The following PLAGL1 variants were observed in gnomAD, a reference collection of about 807,000 sequenced individuals.
PLAGL1 encodes the protein zinc finger protein PLAGL1.
PLAGL1 carries 1 observed loss-of-function variant against 4.6 expected under a neutral mutation model. That is an observed-to-expected ratio of 0.22 (90% CI 0.08 to 1.03). The LOEUF (loss-of-function observed/expected upper bound fraction) is 1.03. Among genes scored for constraint, PLAGL1 ranks in the 50% least tolerant of loss-of-function variants. The probability of loss-of-function intolerance (pLI) is 0.58; values close to 1 mark genes in which losing one functional copy is unlikely to be tolerated. For synonymous variants in PLAGL1, 240 were observed against 237.8 expected (o/e 1.01, Z -0.08); for missense variants, 464 against 570.4 (o/e 0.81, Z 1.90).
In PLAGL1 at chr6:144,005,637, TAAGAC is replaced by T. The variant is rs1794014529; in HGVS notation, c.-584+2448_-584+2452del. 6.6e-6 allele frequency: 1 copy of T among 152,122 alleles called. No individual in the cohort carries two copies. The highest frequency in any genetic ancestry group is 1.5e-5 in the Non-Finnish European group (1 of 68,014). 9.4% of individuals were successfully genotyped at this position (152,122 alleles called of 1,614,324 possible). On this transcript the variant is annotated intron_variant, in intron 1 of 7. Coordinates refer to ENST00000674357, the MANE Select transcript of PLAGL1 (RefSeq NM_001317162.2). The surrounding 1 kb of genome is among the most constrained non-coding windows in gnomAD (Gnocchi z 4.6). Reference sequence around the variant, plus strand: ...ACATTTCATTAATAGTAGAGTATCTTAAGACAAAAAGCATAAGGATTAATGTCTAC... The same window carrying T: ...ACATTTCATTAATAGTAGAGTATCTTAAAAAGCATAAGGATTAATGTCTAC...
chr6:143,951,337 T>C (rs7770529), intron 6 of PLAGL1, among the ~76,000 whole-genome samples: 109,661 of 152,196 alleles, frequency 0.72, 40,823 homozygotes, highest in African/African-American at 0.92. Context: ...ATGGATGTAA[T>C]GGGAAAGAGA....
rs1177235850 is a variant in PLAGL1, at chr6:144,055,201, A to G, written c.-151+9267T>C. 6.6e-6 allele frequency among the ~76,000 whole-genome samples: 1 copy of G among 150,684 alleles called. No homozygotes were observed. The highest frequency in any genetic ancestry group is 1.5e-5 in the Non-Finnish European group (1 of 67,424). ...CAGATATTCATATCCACAGATATTCATGAAAACACACTTACCCAGAAACAC... is the reference window on the plus strand; with the variant it reads ...CAGATATTCATATCCACAGATATTCGTGAAAACACACTTACCCAGAAACAC... On this transcript the variant is annotated intron_variant, in intron 1 of 3. Coordinates refer to the PLAGL1 transcript ENST00000437412. The surrounding 1 kb of genome is among the most constrained non-coding windows in gnomAD (Gnocchi z 5.0).
chr6:144,031,333 TG>T (rs1796813502), intron 1 of PLAGL1, among the ~76,000 whole-genome samples: 1 of 152,254 alleles, frequency 6.6e-6, no homozygotes, highest in African/African-American at 2.4e-5. Flanking sequence ...TCTTTTGCTA[TG>T]TGGAAGCTTT....
rs754880138 is a variant in PLAGL1, at chr6:143,941,674, G to T, written c.1142C>A (p.Ser381Tyr). Reference sequence around the variant, plus strand: ...CAGCTGCCAGAAGCCCAACAGGGGGGACAGGTCCAGAGAGGCAGGTATTGT... The same window carrying T: ...CAGCTGCCAGAAGCCCAACAGGGGGTACAGGTCCAGAGAGGCAGGTATTGT... The part of the protein sequence containing the change: ...NLTIPASLDL[S>Y]PLLGFWQLPP... The change falls in exon 8 of 8, where the codon TCC (serine) becomes TAC (tyrosine). Residue 381 changes from serine (S) to tyrosine (Y), a missense_variant. Ser to Tyr is a moderately radical substitution (Grantham distance 144, BLOSUM62 -2). Coordinates refer to ENST00000674357, the MANE Select transcript of PLAGL1 (RefSeq NM_001317162.2). This position sits in a 1 kb window ranked among gnomAD's most constrained non-coding sequence, Gnocchi z 6.0. 5 of 1,614,230 alleles carry T rather than the reference G, an allele frequency of 3.1e-6. No homozygotes were observed. In the Admixed American group the frequency reaches 8.3e-5, roughly 27 times the overall value.
chr6:143,969,759 T>C (rs1309133803), intron 2 of PLAGL1, among the ~76,000 whole-genome samples: 1 of 151,170 alleles, frequency 6.6e-6, no homozygotes, highest in Non-Finnish European at 1.5e-5. Flanking sequence ...AAAAAGCCAC[T>C]AAAAGGCAAA....
In PLAGL1 at chr6:144,064,052, C is replaced by T. The variant is rs1182838815; in HGVS notation, c.-151+416G>A. Among the ~76,000 whole-genome samples the T allele has an allele frequency of 1.3e-5, 2 of 152,176 alleles. No homozygotes were observed. Among genetic ancestry groups the T allele is most frequent in the South Asian group, 4.1e-4 (2 of 4,830 alleles). On this transcript the variant is annotated intron_variant, in intron 1 of 3. Transcript: ENST00000437412. The surrounding 1 kb of genome is among the most constrained non-coding windows in gnomAD (Gnocchi z 6.8). ...CCGTCTGCGCAGACAGCCCCGCCCC[C>T]AGCCTCGGAGAGCACAGGACCCGGG...
intron 2 of PLAGL1, among the ~76,000 whole-genome samples, chr6:143,969,581 T>A (rs1341385911): frequency 6.6e-6 from 1 of 151,684 alleles, no homozygotes; most frequent in African/African-American, 2.4e-5. Context: ...GGGCAGGAGT[T>A]TGAGACCAGC....
At position 143,957,789 on chromosome 6, in the gene PLAGL1, T is replaced by C. The variant is rs868033213; in HGVS notation, c.-325+2680A>G. On this transcript the variant is annotated intron_variant, in intron 6 of 7. Transcript: ENST00000674357. The surrounding 1 kb of genome is among the most constrained non-coding windows in gnomAD (Gnocchi z 4.2). ...CTCAAGACTTGGGTGGACTGTTTGA[T>C]CCTAAAATAACATATCACTAAATAA... Among the ~76,000 whole-genome samples the C allele has an allele frequency of 4.6e-5, 7 of 152,300 alleles. No individual in the cohort carries two copies. The highest frequency in any genetic ancestry group is 1.3e-4 in the Admixed American group (2 of 15,294).
In PLAGL1 at chr6:144,034,997, T is replaced by A. The variant is rs1254675072; in HGVS notation, c.-151+29471A>T. On this transcript the variant is annotated intron_variant, in intron 1 of 3. Transcript: ENST00000437412. The surrounding 1 kb of genome is among the most constrained non-coding windows in gnomAD (Gnocchi z 4.7). ...GGGTATGTAATACATTGAGAACAGT[T>A]AAATGTTAATGATAGAATCTAGTGG... Among the ~76,000 whole-genome samples, 1 of 152,182 alleles carries A rather than the reference T, an allele frequency of 6.6e-6. No homozygotes were observed. Among genetic ancestry groups the A allele is most frequent in the African/African-American group, 2.4e-5 (1 of 41,446 alleles).
intron 1 of PLAGL1, among the ~76,000 whole-genome samples, chr6:144,028,540 A>G (rs971654380): frequency 1.7e-4 from 26 of 152,346 alleles, no homozygotes; most frequent in African/African-American, 6.3e-4. Flanking sequence ...ATAAAGATTT[A>G]CTGTTAAGTG....
At chr6:143,951,308 A>G (rs1781035255) in intron 6 of PLAGL1, among the ~76,000 whole-genome samples, 1 of 152,218 alleles carries the variant, frequency 6.6e-6, no homozygotes, top group African/African-American at 2.4e-5. Flanking sequence ...TGTACAGCTC[A>G]TGTTCTAACC....
Position 143,952,312 on chromosome 6 carries a change from G to A in PLAGL1, c.-324-3852C>T, listed in dbSNP as rs1221691406. On this transcript the variant is annotated intron_variant, in intron 6 of 7. Transcript: ENST00000674357. This position sits in a 1 kb window ranked among gnomAD's most constrained non-coding sequence, Gnocchi z 6.1. ...TCCTAACAGAACTTACAGAGCAATG[G>A]TCCTGATGCGAGTCATTCTGTTCTG... Among the ~76,000 whole-genome samples the A allele has an allele frequency of 1.3e-5, 2 of 152,158 alleles. No individual in the cohort carries two copies. Among genetic ancestry groups the A allele is most frequent in the African/African-American group, 4.8e-5 (2 of 41,426 alleles).
At chr6:144,009,436 A>G (rs566871717), upstream of PLAGL1, among the ~76,000 whole-genome samples, 1 of 152,342 alleles carries the variant, frequency 6.6e-6, no homozygotes, top group East Asian at 1.9e-4. Context: ...TTCTCTATAC[A>G]TAAATAAAAA....
rs531013324 is a variant in PLAGL1 at position 143,975,782 on chromosome 6, T to C, written c.-543-6804A>G. Among the ~76,000 whole-genome samples, 1 of 152,354 alleles carries C rather than the reference T, an allele frequency of 6.6e-6. No individual in the cohort carries two copies. The highest frequency in any genetic ancestry group is 2.1e-4 in the South Asian group (1 of 4,826). ...AAGGCTAATTGAGGCAAATCCTTGC[T>C]ACTATAAAGCAGCAGTGTGGTTTTT... On this transcript the variant is annotated intron_variant, in intron 2 of 7. Coordinates refer to ENST00000674357, the MANE Select transcript of PLAGL1 (RefSeq NM_001317162.2). The surrounding 1 kb of genome is among the most constrained non-coding windows in gnomAD (Gnocchi z 5.8).
intron 1 of PLAGL1, among the ~76,000 whole-genome samples, chr6:144,020,646 A>G (rs1371907035): frequency 4.0e-5 from 6 of 151,050 alleles, no homozygotes; most frequent in Non-Finnish European, 8.8e-5. Context: ...AGGACTTACT[A>G]TGTTGCCCAG....
In PLAGL1 at chr6:143,975,348, C is replaced by A. The variant is rs1417073898; in HGVS notation, c.-543-6370G>T. On this transcript the variant is annotated intron_variant, in intron 2 of 7. Coordinates refer to ENST00000674357, the MANE Select transcript of PLAGL1 (RefSeq NM_001317162.2). The surrounding 1 kb of genome is among the most constrained non-coding windows in gnomAD (Gnocchi z 5.8). ...GATCTGTATTTAAATTTTAGTGTCA[C>A]TTTGTAATAATTTTATAAATTAAGC... Among the ~76,000 whole-genome samples the A allele has an allele frequency of 6.6e-6, 1 of 152,112 alleles. No individual in the cohort carries two copies. Among genetic ancestry groups the A allele is most frequent in the Non-Finnish European group, 1.5e-5 (1 of 68,008 alleles).
intron 1 of PLAGL1, among the ~76,000 whole-genome samples, chr6:144,035,257 TCAATC>T (rs1049070420): frequency 2.0e-5 from 3 of 152,078 alleles, no homozygotes; most frequent in Non-Finnish European, 4.4e-5. Flanking sequence ...CAGTGGTAGA[TCAATC>T]CAAGCACCAA....
chr6:144,018,435 A>G (rs1795721175), intron 1 of PLAGL1, among the ~76,000 whole-genome samples: 2 of 152,140 alleles, frequency 1.3e-5, no homozygotes, highest in South Asian at 4.2e-4. Context: ...TTCAGTAAGG[A>G]GGAATAAGTT....
rs1360510430 is a variant in PLAGL1 at position 143,960,863 on chromosome 6, T to G, written c.-398-321A>C. 1.3e-5 allele frequency: 2 copies of G among 152,138 alleles called. No homozygotes were observed. The highest frequency in any genetic ancestry group is 2.9e-5 in the Non-Finnish European group (2 of 68,018). 9.4% of individuals were successfully genotyped at this position (152,138 alleles called of 1,614,324 possible). A position where few individuals can be genotyped will look rare whatever the true frequency, so the allele number is the denominator to read the frequency against. On this transcript the variant is annotated intron_variant, in intron 5 of 7. Coordinates refer to ENST00000674357, the MANE Select transcript of PLAGL1 (RefSeq NM_001317162.2). This position sits in a 1 kb window ranked among gnomAD's most constrained non-coding sequence, Gnocchi z 5.7. ...TGGTATTTTTTAAAACCAACAGTAT[T>G]AAAATACCATAAAACAGGTATGCAA...
Sources: allele counts gnomAD v4.1 joint callset (sites outside exome capture counted in the v4.1 genomes callset), GRCh38; gene constraint gnomAD v4.1.1; non-coding constraint Gnocchi (gnomAD v3.1); transcripts MANE v1.5; gene names NCBI Gene and HGNC (gene_info 2026-07-23, HGNC 2026-07-21).